TNNI3K: variants seen among roughly 807,000 people sequenced by gnomAD.
TNNI3K encodes the protein TNNI3 interacting kinase, also known as serine/threonine-protein kinase TNNI3K.
Under a neutral mutation model 114.5 loss-of-function variants are expected in TNNI3K, and 140 were observed. That is an observed-to-expected ratio of 1.22 (90% CI 1.07 to 1.41). The LOEUF is 1.41. Ranked by LOEUF, TNNI3K falls within the 40% of genes most tolerant of loss-of-function variation. TNNI3K has a pLI of 0.00. For synonymous variants in TNNI3K, 347 were observed against 347.5 expected (o/e 1.00, Z 0.02); for missense variants, 1,125 against 1,007.6 (o/e 1.12, Z -1.58).
intron 5 of TNNI3K, among the ~76,000 whole-genome samples, chr1:74,273,207 A>C (rs1656462700): frequency 6.6e-6 from 1 of 151,950 alleles, no homozygotes; most frequent in African/African-American, 2.4e-5. Context: ...AGAGCAAAAT[A>C]GTTTCCTTCA....
intron 23 of TNNI3K, among the ~76,000 whole-genome samples, chr1:74,521,598 C>T (rs1570736902): frequency 6.6e-6 from 1 of 152,094 alleles, no homozygotes; most frequent in South Asian, 2.1e-4. Flanking sequence ...TTTCTGCGTT[C>T]CTTTATTTAG....
chr1:74,525,087 A>C (rs1316849212), intron 23 of TNNI3K, among the ~76,000 whole-genome samples: 2 of 152,240 alleles, frequency 1.3e-5, no homozygotes, highest in African/African-American at 2.4e-5. Context: ...AGTGTGATAA[A>C]AAACATACTA....
intron 5 of TNNI3K, among the ~76,000 whole-genome samples, chr1:74,325,881 A>G (rs1659873891): frequency 2.0e-5 from 3 of 152,186 alleles, no homozygotes; most frequent in Admixed American, 1.3e-4. Context: ...TTTTGAATTG[A>G]TAAGTCATCA....
intron 23 of TNNI3K, among the ~76,000 whole-genome samples, chr1:74,502,686 T>C (rs1013673493): frequency 2.0e-5 from 3 of 152,188 alleles, no homozygotes; most frequent in Non-Finnish European, 2.9e-5. Context: ...TAGCCTTTGA[T>C]TGGAGGGAAA....
intron 23 of TNNI3K, among the ~76,000 whole-genome samples, chr1:74,516,580 C>T (rs1249034187): frequency 6.6e-6 from 1 of 152,124 alleles, no homozygotes; most frequent in Non-Finnish European, 1.5e-5. Flanking sequence ...GAGAAATAGA[C>T]CCAGGCCTGC....
At chr1:74,441,854 GGGAGAAGTACTTT>G (rs762667857) in intron 20 of TNNI3K, among the ~76,000 whole-genome samples, 1 of 151,998 alleles carries the variant, frequency 6.6e-6, no homozygotes, top group Non-Finnish European at 1.5e-5. Context: ...AGGGATTATA[GGGAGAAGTACTTT>G]ATCTGCTACA....
At chr1:74,400,534 A>G (rs1046483069) in intron 17 of TNNI3K, among the ~76,000 whole-genome samples, 3 of 152,240 alleles carry the variant, frequency 2.0e-5, no homozygotes, top group African/African-American at 7.2e-5. Context: ...AACCAAATGC[A>G]CTGCATGTTG....
chr1:74,469,207 T>C (rs1667799555), intron 21 of TNNI3K: 1 of 152,636 alleles, frequency 6.6e-6, no homozygotes, highest in Admixed American at 6.5e-5. Flanking sequence ...CTAGTGGATA[T>C]ATAGGATTTT....
At chr1:74,280,926 C>T (rs1027286869) in intron 5 of TNNI3K, among the ~76,000 whole-genome samples, 2 of 151,990 alleles carry the variant, frequency 1.3e-5, no homozygotes, top group African/African-American at 2.4e-5. Flanking sequence ...TGCTTGGGAA[C>T]GGGAGAAGGA....
intron 2 of TNNI3K, 50 bp from the exon 3 acceptor site, chr1:74,249,409 A>T: frequency 6.4e-7 from 1 of 1,552,534 alleles, no homozygotes; most frequent in Non-Finnish European, 8.8e-7. Context: ...AATGAAAGAC[A>T]ATATGCTAAA....
intron 17 of TNNI3K, among the ~76,000 whole-genome samples, chr1:74,400,906 C>A (rs2100590185): frequency 6.6e-6 from 1 of 152,344 alleles, no homozygotes; most frequent in East Asian, 1.9e-4. Flanking sequence ...TTCACCCTGG[C>A]ATTCCATAAG....
At chr1:74,423,927 A>G (rs765613292) in intron 17 of TNNI3K, among the ~76,000 whole-genome samples, 1 of 152,162 alleles carries the variant, frequency 6.6e-6, no homozygotes, top group Non-Finnish European at 1.5e-5. Context: ...AATACCTAAC[A>G]TCATGTCTAC....
chr1:74,287,063 A>T (rs1657374549), intron 5 of TNNI3K, among the ~76,000 whole-genome samples: 1 of 151,430 alleles, frequency 6.6e-6, no homozygotes, highest in Non-Finnish European at 1.5e-5. Context: ...GAACTAAAAA[A>T]TTTCACAGAG....
intron 22 of TNNI3K, among the ~76,000 whole-genome samples, chr1:74,490,707 C>T (rs184546101): frequency 2.3e-3 from 348 of 152,208 alleles, no homozygotes; most frequent in African/African-American, 7.4e-3. Context: ...TTTCAGTCAA[C>T]GGTTTAGATC....
chr1:74,359,129 G>T (rs1324039147), intron 11 of TNNI3K, among the ~76,000 whole-genome samples: 5 of 152,052 alleles, frequency 3.3e-5, no homozygotes, highest in Non-Finnish European at 5.9e-5. Context: ...TGTAAAATTA[G>T]ATCTAAGCCA....
At chr1:74,427,304 C>CTTTT (rs11463713) in intron 17 of TNNI3K, among the ~76,000 whole-genome samples, 1 of 147,144 alleles carries the variant, frequency 6.8e-6, no homozygotes, top group Non-Finnish European at 1.5e-5. Context: ...AAGTTGGAAA[C>CTTTT]TTTTTTTTTT....
chr1:74,465,404 C>T (rs368827289), intron 21 of TNNI3K, among the ~76,000 whole-genome samples: 2 of 152,210 alleles, frequency 1.3e-5, no homozygotes, highest in African/African-American at 4.8e-5. Context: ...AGCACCTGAG[C>T]CAGCAGCTGC....
intron 5 of TNNI3K, among the ~76,000 whole-genome samples, chr1:74,297,489 T>C (rs894995866): frequency 1.3e-5 from 2 of 151,262 alleles, no homozygotes; most frequent in Admixed American, 6.6e-5. Flanking sequence ...CCAGAACCTA[T>C]CCATGCTTGG....
intron 9 of TNNI3K, among the ~76,000 whole-genome samples, chr1:74,343,727 C>A (rs886905536): frequency 6.6e-5 from 10 of 151,950 alleles, no homozygotes; most frequent in African/African-American, 2.4e-4. Context: ...TCGTGAGAGC[C>A]CTTTACGGTG....
Sources: gnomAD v4.1 joint callset for allele counts (sites outside exome capture counted in the v4.1 genomes callset) on GRCh38, gnomAD v4.1.1 for gene constraint, MANE v1.5 for transcripts, NCBI Gene and HGNC (gene_info 2026-07-23, HGNC 2026-07-21) for gene names.